Variants in CCDC81 observed in about 807,000 individuals in gnomAD.
CCDC81 encodes the protein coiled-coil domain-containing protein 81.
In CCDC81, 79 loss-of-function variants were observed where a neutral mutation model predicts 83.7. The ratio of observed to expected loss-of-function variants is 0.94; its 90% CI spans 0.79 to 1.14. CCDC81 has a LOEUF of 1.14. CCDC81 is among the 50% of genes most tolerant of loss of function. The pLI is 0.00. For missense variants in CCDC81, 791 were observed against 778.1 expected (o/e 1.02, Z -0.20); for synonymous variants, 252 against 278.1 (o/e 0.91, Z 0.93).
intron 3 of CCDC81, among the ~76,000 whole-genome samples, chr11:86,388,535 T>C (rs1948280173): frequency 6.6e-6 from 1 of 152,222 alleles, no homozygotes; most frequent in South Asian, 2.1e-4. Context: ...AACTGTCCTC[T>C]AAGATAATGT....
Position 86,412,435 on chromosome 11 carries a change from C to T in CCDC81, c.1267C>T (p.Leu423Phe). 6.2e-7 allele frequency: 1 copy of T among 1,613,318 alleles called. No individual in the cohort carries two copies. The highest frequency in any genetic ancestry group is 8.5e-7 in the Non-Finnish European group (1 of 1,179,494). ...GCCACTCAGTCCTGCGCTTAATGCTCTTAAGCAAGAGGAATATTCCCGGAG... is the reference window on the plus strand; with the variant it reads ...GCCACTCAGTCCTGCGCTTAATGCTTTTAAGCAAGAGGAATATTCCCGGAG... The part of the protein sequence containing the change: ...KRPLSPALNA[L>F]KQEEYSRSLL... The change falls in exon 11 of 15, where the codon CTT becomes TTT. Residue 423 changes from leucine to phenylalanine, a missense_variant. Leu to Phe is a conservative substitution (Grantham distance 22, BLOSUM62 0). Coordinates refer to ENST00000445632, the MANE Select transcript of CCDC81 (RefSeq NM_001156474.2).
At chr11:86,417,729 C>G (rs550850015) in intron 13 of CCDC81, among the ~76,000 whole-genome samples, 1 of 151,508 alleles carries the variant, frequency 6.6e-6, no homozygotes, top group Non-Finnish European at 1.5e-5. Context: ...GTCCAATGTA[C>G]GGTACATCTA....
At chr11:86,391,672 G>A (rs1468766104) in intron 3 of CCDC81, among the ~76,000 whole-genome samples, 2 of 152,150 alleles carry the variant, frequency 1.3e-5, no homozygotes, top group Non-Finnish European at 2.9e-5. Flanking sequence ...GTGAAGATGG[G>A]TATCTTTTCA....
chr11:86,378,419 G>A (rs1948128158), intron 1 of CCDC81, among the ~76,000 whole-genome samples: 1 of 152,122 alleles, frequency 6.6e-6, no homozygotes, highest in South Asian at 2.1e-4. Flanking sequence ...TGTTCCATGT[G>A]AGCTTGAGAA....
intron 2 of CCDC81, 50 bp from the exon 3 acceptor site, chr11:86,387,466 T>C: frequency 1.3e-6 from 2 of 1,567,406 alleles, no homozygotes; most frequent in Non-Finnish European, 1.7e-6. Flanking sequence ...AGGATTATTT[T>C]TTCTTCACTC....
In CCDC81 at chr11:86,422,589, G is replaced by T; in HGVS notation, c.1833G>T (p.Leu611=). 1 of 1,613,792 alleles carries T rather than the reference G, an allele frequency of 6.2e-7. No individual in the cohort carries two copies. The highest frequency in any genetic ancestry group is 2.2e-5 in the East Asian group (1 of 44,886). Residue 611 remains leucine, a synonymous_variant, in exon 15 of 15, where the codon CTG becomes CTT. Coordinates refer to ENST00000445632, the MANE Select transcript of CCDC81 (RefSeq NM_001156474.2). ...CTCTCCTCAGGGCTTCAGACAAGCT[G>T]TTTCTCCTAGACCAGTGTGAGAAGT... The part of the protein sequence containing the change: ...DKAFERASDK[L]FLLDQCEKYR...
intron 1 of CCDC81, among the ~76,000 whole-genome samples, chr11:86,382,570 G>A (rs1212716748): frequency 6.6e-6 from 1 of 152,152 alleles, no homozygotes. Context: ...ATATAAGCAG[G>A]CAGTTGGATA....
At chr11:86,413,611 G>GTAAT (rs1426391395) in intron 11 of CCDC81, among the ~76,000 whole-genome samples, 1 of 152,168 alleles carries the variant, frequency 6.6e-6, no homozygotes, top group Non-Finnish European at 1.5e-5. Flanking sequence ...TGGTCAATCT[G>GTAAT]TAATTACTAT....
chr11:86,409,809 C>A (rs1294641406), intron 10 of CCDC81, among the ~76,000 whole-genome samples: 2 of 152,140 alleles, frequency 1.3e-5, no homozygotes, highest in Admixed American at 6.5e-5. Context: ...TTGAAGCTTT[C>A]TTCTAGGGCA....
intron 4 of CCDC81, among the ~76,000 whole-genome samples, chr11:86,393,962 C>A (rs1465394659): frequency 2.6e-5 from 4 of 152,084 alleles, no homozygotes; most frequent in Non-Finnish European, 5.9e-5. Context: ...TTTTATGAAG[C>A]TTTGGGATGG....
At chr11:86,418,080 A>G (rs1338647458) in intron 13 of CCDC81, among the ~76,000 whole-genome samples, 1 of 152,212 alleles carries the variant, frequency 6.6e-6, no homozygotes, top group Admixed American at 6.5e-5. Context: ...CCTATCCTTA[A>G]AAAAATAACA....
intron 14 of CCDC81, among the ~76,000 whole-genome samples, chr11:86,422,118 G>T (rs1948799526): frequency 6.6e-6 from 1 of 152,126 alleles, no homozygotes; most frequent in African/African-American, 2.4e-5. Flanking sequence ...TGGCCTCCTG[G>T]GATAGTTCAT....
rs1190385611 is a variant in CCDC81, at chr11:86,392,611, G to T, written c.369G>T (p.Val123=). The change falls in exon 4 of 15, where the codon GTG becomes GTT. Residue 123 remains valine, a synonymous_variant. Transcript: ENST00000445632. ...AGGGTCCATTTAACAGAGATGTAGT[G>T]GAAGGATGTGTGAAGGAGACGTTGC... ...SLEGPFNRDV[V]EGCVKETLLF... 2 of 1,551,682 alleles carry T rather than the reference G, an allele frequency of 1.3e-6. No homozygotes were observed. The highest frequency in any genetic ancestry group is 2.4e-5 in the South Asian group (2 of 84,052).
intron 7 of CCDC81, 92 bp downstream of exon 7, chr11:86,400,893 T>C (rs962916160): frequency 3.8e-6 from 5 of 1,327,142 alleles, no homozygotes; most frequent in Non-Finnish European, 5.2e-6. Context: ...GTTCATTAAT[T>C]CATTTATCCA....
chr11:86,413,143 C>T (rs207472121), intron 11 of CCDC81, among the ~76,000 whole-genome samples: 1 of 152,100 alleles, frequency 6.6e-6, no homozygotes, highest in Non-Finnish European at 1.5e-5. Flanking sequence ...GCCCGGGTTC[C>T]CCTCCAACCA....
At chr11:86,416,057 G>C (rs1948715597) in intron 13 of CCDC81, among the ~76,000 whole-genome samples, 1 of 152,164 alleles carries the variant, frequency 6.6e-6, no homozygotes, top group Non-Finnish European at 1.5e-5. Context: ...AATGACTAGT[G>C]ATGTTGAACA....
At chr11:86,417,133 A>T (rs1948730212) in intron 13 of CCDC81, among the ~76,000 whole-genome samples, 1 of 151,342 alleles carries the variant, frequency 6.6e-6, no homozygotes, top group Non-Finnish European at 1.5e-5. Context: ...AATCCCAGCT[A>T]TTCGGGTGGC....
At position 86,415,162 on chromosome 11, in the gene CCDC81, G is replaced by A; in HGVS notation, c.1540G>A (p.Glu514Lys). 1.9e-6 allele frequency: 3 copies of A among 1,614,212 alleles called. No homozygotes were observed. Among genetic ancestry groups the A allele is most frequent in the Middle Eastern group, 1.6e-4 (1 of 6,062 alleles). Reference protein sequence around the residue: ...DSSEPIFGKNEGELMVEKQKR... With the variant: ...DSSEPIFGKNKGELMVEKQKR... ...CTCTGAGCCCATCTTTGGTAAGAAT[G>A]AGGGTGAACTGATGGTGGAAAAGCA... Residue 514 changes from glutamate to lysine, a missense_variant, in exon 13 of 15, where the codon GAG becomes AAG. Physicochemically the swap from Glu to Lys is moderately conservative, Grantham distance 56 (BLOSUM62 1). Coordinates refer to ENST00000445632, the MANE Select transcript of CCDC81 (RefSeq NM_001156474.2).
chr11:86,400,639 T>G (rs765246067), intron 6 of CCDC81, 39 bp from the exon 7 acceptor site: 3 of 1,567,312 alleles, frequency 1.9e-6, no homozygotes, highest in South Asian at 2.3e-5. Context: ...GTTTGAGAGT[T>G]GAAAGGAGAC....
Sources: gnomAD v4.1 joint callset for allele counts (sites outside exome capture counted in the v4.1 genomes callset) on GRCh38, gnomAD v4.1.1 for gene constraint, MANE v1.5 for transcripts, NCBI Gene and HGNC (gene_info 2026-07-23, HGNC 2026-07-21) for gene names.